GABRA5: variants seen among roughly 807,000 people sequenced by gnomAD.
GABRA5 encodes gamma-aminobutyric acid receptor subunit alpha-5.
In GABRA5, 18 loss-of-function variants were observed where a neutral mutation model predicts 47.3. The observed-to-expected ratio is 0.38, with a 90% CI of 0.26 to 0.56. The LOEUF (loss-of-function observed/expected upper bound fraction) is 0.56, where lower values mean the gene tolerates loss of function less well. Among genes scored for constraint, GABRA5 ranks in the 20% least tolerant of loss-of-function variants. GABRA5 has a pLI of 0.71. For synonymous variants in GABRA5, 237 were observed against 229.3 expected (o/e 1.03, Z -0.30); for missense variants, 365 against 599.3 (o/e 0.61, Z 4.08).
At chr15:26,895,815 A>G (rs1030616021) in intron 6 of GABRA5, among the ~76,000 whole-genome samples, 1 of 68,408 alleles carries the variant, frequency 1.5e-5, no homozygotes, top group African/African-American at 4.6e-5. Flanking sequence ...ACTCCGTCAA[A>G]AAAAAAAAAA....
chr15:26,883,566 C>T lies in GABRA5; in HGVS notation c.497+9C>T, dbSNP rs1278467462. ...CTGCTCTACACCATGCGGTGAGCGC[C>T]GGGCGGGGGCGGGCGGGGCCGGGGG... On this transcript the variant is annotated intron_variant, in intron 6 of 10. Coordinates refer to ENST00000335625, the MANE Select transcript of GABRA5 (RefSeq NM_000810.4). This position sits in a 1 kb window ranked among gnomAD's most constrained non-coding sequence, Gnocchi z 4.8. 8 of 540,464 alleles carry T rather than the reference C, an allele frequency of 1.5e-5. No individual in the cohort carries two copies. The highest frequency in any genetic ancestry group is 5.2e-5 in the East Asian group (1 of 19,324). 33.5% of individuals were successfully genotyped at this position (540,464 alleles called of 1,614,324 possible). A position where few individuals can be genotyped will look rare whatever the true frequency, so the allele number is the denominator to read the frequency against.
chr15:26,918,158 G>A (rs1893760840), intron 7 of GABRA5, among the ~76,000 whole-genome samples: 1 of 151,434 alleles, frequency 6.6e-6, no homozygotes, highest in African/African-American at 2.4e-5. Flanking sequence ...TTTCCTCTTG[G>A]TGCTGCTTTT....
At chr15:26,893,291 G>A (rs561628792) in intron 6 of GABRA5, among the ~76,000 whole-genome samples, 1,021 of 45,180 alleles carry the variant, frequency 0.023, 19 homozygotes, top group African/African-American at 0.068. Context: ...GGCATATGGC[G>A]TGTGTGTATA....
At chr15:26,871,391 C>A (rs1487208443) in intron 3 of GABRA5, among the ~76,000 whole-genome samples, 2 of 152,148 alleles carry the variant, frequency 1.3e-5, no homozygotes, top group African/African-American at 4.8e-5. Flanking sequence ...TTGCTGAGGT[C>A]ATCTTCAAAA....
rs1555391765 is a variant in GABRA5 at position 26,911,392 on chromosome 15, C to CACAA, written c.498-3408_498-3407insAACA. Reference sequence around the variant, plus strand: ...GCATGCACACACACACACACACACACACACAAACACACACACTCCTGCAAT... The same window carrying CACAA: ...GCATGCACACACACACACACACACACACAAACACAAACACACACACTCCTGCAAT... On this transcript the variant is annotated intron_variant, in intron 6 of 10. Transcript: ENST00000335625. Among the ~76,000 whole-genome samples, 50 of 147,884 alleles carry CACAA rather than the reference C, an allele frequency of 3.4e-4. 1 individual carries two copies. Among genetic ancestry groups the CACAA allele is most frequent in the African/African-American group, 1.2e-3 (49 of 40,358 alleles).
In GABRA5 at chr15:26,885,532, T is replaced by C. The variant is rs551925883; in HGVS notation, c.497+1975T>C. Among the ~76,000 whole-genome samples the C allele has an allele frequency of 2.6e-5, 4 of 152,302 alleles. No individual in the cohort carries two copies. The South Asian group carries it at 6.2e-4, about 24-fold the overall frequency. On this transcript the variant is annotated intron_variant, in intron 6 of 10. Coordinates refer to ENST00000335625, the MANE Select transcript of GABRA5 (RefSeq NM_000810.4). The stretch of plus-strand genomic sequence containing the variant: ...CTGGTAACAGCCCAATAAGGAGCTG[T>C]GATGAGTGAGCCTAGAGCACACAAC...
At chr15:26,906,499 G>T (rs1320283673) in intron 6 of GABRA5, among the ~76,000 whole-genome samples, 4 of 152,098 alleles carry the variant, frequency 2.6e-5, no homozygotes, top group Admixed American at 1.3e-4. Flanking sequence ...CCAGCCCTGG[G>T]CATGCACGTG....
intron 3 of GABRA5, chr15:26,877,736 A>G: frequency 2.2e-6 from 1 of 452,292 alleles, no homozygotes; most frequent in South Asian, 1.6e-5. Context: ...AGAATATGGC[A>G]TAAGTGGGAC....
chr15:26,936,415 G>A (rs1339688058), intron 7 of GABRA5, among the ~76,000 whole-genome samples: 1 of 152,100 alleles, frequency 6.6e-6, no homozygotes, highest in African/African-American at 2.4e-5. Flanking sequence ...CCATCCTCAA[G>A]CCAGCAGTGG....
At chr15:26,944,670 G>A (rs1404476336) in intron 10 of GABRA5, among the ~76,000 whole-genome samples, 2 of 152,222 alleles carry the variant, frequency 1.3e-5, no homozygotes, top group Non-Finnish European at 2.9e-5. Flanking sequence ...CAGACCAGGG[G>A]TCCAGAGAAG....
intron 8 of GABRA5, among the ~76,000 whole-genome samples, chr15:26,938,026 A>C (rs1228140436): frequency 6.6e-6 from 1 of 152,230 alleles, no homozygotes; most frequent in East Asian, 1.9e-4. Context: ...AAAAGCCTAA[A>C]GGGAGGGAGG....
intron 4 of GABRA5, among the ~76,000 whole-genome samples, chr15:26,881,414 T>G (rs1293433290): frequency 6.6e-6 from 1 of 152,232 alleles, no homozygotes; most frequent in Non-Finnish European, 1.5e-5. Context: ...GCAGTCATCC[T>G]TTATATCTTT....
rs751923842 is a variant in GABRA5, at chr15:26,883,283, G to A, written c.276+50G>A. The stretch of plus-strand genomic sequence containing the variant: ...AGACAATTCTTACTCCGCGCCGCAG[G>A]CCCCCGCCCAGGCCCCGTGCCCTCT... On this transcript the variant is annotated intron_variant, in intron 5 of 10. Transcript: ENST00000335625. The surrounding 1 kb of genome is among the most constrained non-coding windows in gnomAD (Gnocchi z 4.8). 58 of 1,611,022 alleles carry A rather than the reference G, an allele frequency of 3.6e-5. No individual in the cohort carries two copies. Among genetic ancestry groups the A allele is most frequent in the Admixed American group, 5.0e-5 (3 of 60,026 alleles).
upstream of GABRA5, chr15:26,866,884 C>G (rs2140236414): frequency 6.6e-6 from 1 of 152,396 alleles, no homozygotes; most frequent in East Asian, 2.0e-4. Context: ...GCTCTACAAG[C>G]GGGCGGTGGT....
intron 6 of GABRA5, among the ~76,000 whole-genome samples, chr15:26,897,160 G>C (rs1893217315): frequency 6.6e-6 from 1 of 152,116 alleles, no homozygotes; most frequent in African/African-American, 2.4e-5. Context: ...AAGCAGCTAT[G>C]TGACATGCCT....
chr15:26,912,946 G>A (rs1272844258), intron 6 of GABRA5, among the ~76,000 whole-genome samples: 1 of 152,206 alleles, frequency 6.6e-6, no homozygotes, highest in East Asian at 1.9e-4. Flanking sequence ...ACCTTGGGAA[G>A]TCGAGGCTGG....
chr15:26,935,442 C>T (rs145656669), intron 7 of GABRA5, among the ~76,000 whole-genome samples: 32 of 152,332 alleles, frequency 2.1e-4, no homozygotes, highest in Middle Eastern at 3.4e-3. Context: ...ATGGAGAAAG[C>T]GGCTCACAGG....
chr15:26,896,772 C>T (rs1214615818), intron 6 of GABRA5, among the ~76,000 whole-genome samples: 7 of 152,164 alleles, frequency 4.6e-5, no homozygotes, highest in South Asian at 4.2e-4. Context: ...ATCAGAAGGA[C>T]GCTAATTTAC....
chr15:26,948,236 G>C lies in GABRA5; in HGVS notation c.*3G>C. On this transcript the variant is annotated 3_prime_UTR_variant, in exon 11 of 11. Coordinates refer to ENST00000335625, the MANE Select transcript of GABRA5 (RefSeq NM_000810.4). ...AAGGAGCCGCCTCTCCAAAATAACC[G>C]GCCACACTCCCAAACTCCAAGACAG... is the stretch of plus-strand genomic sequence containing the variant. 1.2e-6 allele frequency: 2 copies of C among 1,609,258 alleles called. No homozygotes were observed. Among genetic ancestry groups the C allele is most frequent in the Non-Finnish European group, 1.7e-6 (2 of 1,178,452 alleles).
Sources: allele counts gnomAD v4.1 joint callset (sites outside exome capture counted in the v4.1 genomes callset), GRCh38; gene constraint gnomAD v4.1.1; non-coding constraint Gnocchi (gnomAD v3.1); transcripts MANE v1.5; gene names NCBI Gene and HGNC (gene_info 2026-07-23, HGNC 2026-07-21).